The following SGK3 variants were observed in gnomAD, a reference collection of about 807,000 sequenced individuals.
SGK3 encodes serum/glucocorticoid regulated kinase family member 3.
Under a neutral mutation model 68.5 loss-of-function variants are expected in SGK3, and 47 were observed. The observed-to-expected ratio is 0.69, with a 90% confidence interval of 0.54 to 0.87. SGK3 has a LOEUF of 0.87. Ranked by LOEUF, SGK3 falls within the 40% of genes least tolerant of loss-of-function variation. The pLI is 0.00. For missense variants in SGK3, 479 were observed against 575.5 expected (o/e 0.83, Z 1.72); for synonymous variants, 181 against 189.1 (o/e 0.96, Z 0.35).
chr8:66,839,949 G>A, intron 10 of SGK3, 54 bp from the exon 11 acceptor site: 2 of 1,482,904 alleles, frequency 1.3e-6, no homozygotes, highest in South Asian at 1.2e-5. Flanking sequence ...TTAATGCTAT[G>A]TGTGAATGAT....
intron 13 of SGK3, among the ~76,000 whole-genome samples, chr8:66,841,831 T>G (rs551842754): frequency 1.3e-5 from 2 of 152,244 alleles, no homozygotes; most frequent in African/African-American, 4.8e-5. Flanking sequence ...ACAATAGTAA[T>G]GATCCTTACA....
chr8:66,828,732 T>A, intron 7 of SGK3, 29 bp downstream of exon 7: 1 of 1,612,852 alleles, frequency 6.2e-7, no homozygotes, highest in Non-Finnish European at 8.5e-7. Context: ...AAACAATTTT[T>A]TAACTGAATT....
chr8:66,852,724 C>T (rs1482758745), intron 16 of SGK3, among the ~76,000 whole-genome samples: 1 of 152,164 alleles, frequency 6.6e-6, no homozygotes, highest in Admixed American at 6.5e-5. Context: ...CACCTACATA[C>T]ATAATATTTG....
chr8:66,733,682 A>G (rs1442647694), intron 1 of SGK3, among the ~76,000 whole-genome samples: 1 of 152,178 alleles, frequency 6.6e-6, no homozygotes, highest in Admixed American at 6.5e-5. Context: ...TAAATTACTC[A>G]AAGTTCCTTC....
chr8:66,745,779 G>T (rs544880572), intron 1 of SGK3, among the ~76,000 whole-genome samples: 1 of 152,276 alleles, frequency 6.6e-6, no homozygotes, highest in East Asian at 1.9e-4. Context: ...TTGGTGTCTG[G>T]TCTCTGCTTC....
At chr8:66,828,850 C>A in intron 7 of SGK3, 147 bp downstream of exon 7, 2 of 987,412 alleles carry the variant, frequency 2.0e-6, no homozygotes, top group South Asian at 1.7e-5. Context: ...CTGTCATATG[C>A]TTGTATGCTC....
chr8:66,803,972 TC>T (rs1231513218), intron 3 of SGK3, among the ~76,000 whole-genome samples: 1 of 152,164 alleles, frequency 6.6e-6, no homozygotes, highest in Non-Finnish European at 1.5e-5. Flanking sequence ...AACACCAAGA[TC>T]ATATCTTCTC....
intron 1 of SGK3, among the ~76,000 whole-genome samples, chr8:66,780,744 A>G (rs1327888145): frequency 6.6e-6 from 1 of 152,238 alleles, no homozygotes; most frequent in Non-Finnish European, 1.5e-5. Flanking sequence ...GTAGACTGTC[A>G]GCAATAATCC....
At chr8:66,778,326 C>T (rs543254080) in intron 1 of SGK3, among the ~76,000 whole-genome samples, 7 of 152,312 alleles carry the variant, frequency 4.6e-5, no homozygotes, top group African/African-American at 1.4e-4. Context: ...TGGAGTCTCG[C>T]TTTGTTGCCC....
At chr8:66,834,266 ATATT>A (rs1302617873) in intron 8 of SGK3, among the ~76,000 whole-genome samples, 12 of 151,276 alleles carry the variant, frequency 7.9e-5, no homozygotes, top group Non-Finnish European at 1.5e-4. Flanking sequence ...ATGTTAATGA[ATATT>A]TCATATAATT....
chr8:66,846,025 G>A (rs1352688244), intron 14 of SGK3, among the ~76,000 whole-genome samples: 1 of 151,596 alleles, frequency 6.6e-6, no homozygotes, highest in Non-Finnish European at 1.5e-5. Flanking sequence ...TATTTAAAAG[G>A]TAAAAACAAA....
chr8:66,858,303 A>G (rs900937161), intron 16 of SGK3, among the ~76,000 whole-genome samples: 2 of 151,944 alleles, frequency 1.3e-5, no homozygotes, highest in African/African-American at 2.4e-5. Flanking sequence ...CGTCTCTACT[A>G]AAAATAGAAA....
chr8:66,748,448 G>C (rs1040921868), intron 1 of SGK3, among the ~76,000 whole-genome samples: 1 of 152,104 alleles, frequency 6.6e-6, no homozygotes, highest in Non-Finnish European at 1.5e-5. Context: ...TTACCTAGGG[G>C]AATTTATAAA....
intron 1 of SGK3, among the ~76,000 whole-genome samples, chr8:66,738,983 G>A (rs189767505): frequency 6.6e-6 from 1 of 151,990 alleles, no homozygotes; most frequent in African/African-American, 2.4e-5. Flanking sequence ...CCCTTCATAC[G>A]CTGCCTCCCA....
At chr8:66,840,869 G>A in intron 12 of SGK3, 155 bp from the exon 13 acceptor site, 1 of 385,200 alleles carries the variant, frequency 2.6e-6, no homozygotes, top group Middle Eastern at 7.4e-4. Flanking sequence ...TTGAACCCAG[G>A]AGGCAGAGGT....
chr8:66,802,428 A>G (rs1445419652), intron 3 of SGK3, among the ~76,000 whole-genome samples: 1 of 152,130 alleles, frequency 6.6e-6, no homozygotes, highest in Non-Finnish European at 1.5e-5. Flanking sequence ...GTGGCTCACA[A>G]CTAGTATCCC....
At chr8:66,856,486 T>G (rs186057061) in intron 16 of SGK3, among the ~76,000 whole-genome samples, 2 of 152,212 alleles carry the variant, frequency 1.3e-5, no homozygotes, top group African/African-American at 4.8e-5. Flanking sequence ...ACTTACTGAT[T>G]GAGCATCCCA....
chr8:66,774,908 T>C (rs1209094713), intron 1 of SGK3, among the ~76,000 whole-genome samples: 1 of 152,198 alleles, frequency 6.6e-6, no homozygotes, highest in African/African-American at 2.4e-5. Flanking sequence ...ATCTACACTT[T>C]AGCGGGAACC....
intron 1 of SGK3, among the ~76,000 whole-genome samples, chr8:66,772,196 AGTGAT>A: frequency 1.1e-5 from 1 of 91,802 alleles, no homozygotes; most frequent in Non-Finnish European, 2.3e-5. Flanking sequence ...CCTGGGCTCA[AGTGAT>A]CCTCTCACTT....
Sources: gnomAD v4.1 joint callset for allele counts (sites outside exome capture counted in the v4.1 genomes callset) on GRCh38, gnomAD v4.1.1 for gene constraint, MANE v1.5 for transcripts, NCBI Gene and HGNC (gene_info 2026-07-23, HGNC 2026-07-21) for gene names.